POLE2: variants seen among roughly 807,000 people sequenced by gnomAD.
POLE2 encodes DNA polymerase epsilon subunit 2.
A neutral mutation model predicts 79.4 loss-of-function variants in POLE2; 56 were observed. That is an observed-to-expected ratio of 0.71 (90% CI 0.57 to 0.88). The LOEUF is 0.88. Among genes scored for constraint, POLE2 ranks in the 40% least tolerant of loss-of-function variants. POLE2 has a pLI of 0.00. For synonymous variants in POLE2, 212 were observed against 214.0 expected (o/e 0.99, Z 0.08); for missense variants, 598 against 638.9 (o/e 0.94, Z 0.69).
rs777318641 is a variant in POLE2 at position 49,654,178 on chromosome 14, A to G, written c.1110T>C (p.Pro370=). The stretch of plus-strand genomic sequence containing the variant: ...ACCTTGGTAAGATGGAACCAAATCC[A>G]GGATCCTCTGGACCAGGTACAAACA... ...RFVFVPGPED[P]GFGSILPRPP... is the part of the protein sequence containing the mutation. The change falls in exon 14 of 19, where the codon CCT becomes CCC. Residue 370 remains proline (P), a synonymous_variant. Coordinates refer to ENST00000216367, the MANE Select transcript of POLE2 (RefSeq NM_002692.4). 4.3e-6 allele frequency: 7 copies of G among 1,611,366 alleles called. No individual in the cohort carries two copies. Among genetic ancestry groups the G allele is most frequent in the Non-Finnish European group, 5.9e-6 (7 of 1,178,274 alleles).
rs774271236 is a variant in POLE2, at chr14:49,654,978, ACTT to A, written c.1018+24_1018+26del. 11 of 1,454,092 alleles carry A rather than the reference ACTT, an allele frequency of 7.6e-6. No individual in the cohort carries two copies. The African/African-American group carries it at 1.0e-4, about 13-fold the overall frequency. 90.1% of individuals were successfully genotyped at this position (1,454,092 alleles called of 1,614,324 possible). A position where few individuals can be genotyped will look rare whatever the true frequency, so the allele number is the denominator to read the frequency against. ...CTTTAGTTTATATGACTATAGAAAC[ACTT>A]CTTATTAAATAGATCGTTAATACCT... On this transcript the variant is annotated intron_variant, in intron 12 of 18. Coordinates refer to ENST00000216367, the MANE Select transcript of POLE2 (RefSeq NM_002692.4).
At position 49,663,338 on chromosome 14, in the gene POLE2, G is replaced by C. The variant is rs1486554657; in HGVS notation, c.732C>G (p.Pro244=). ...ACCTAGTAGTACTAGAGGGCTCAGT[G>C]GGTGGAAATCCAAAGGCATTGACAT... ...VFHVNAFGFP[P]TEPSSTTRAY... The change falls in exon 10 of 19, where the codon CCC becomes CCG. Residue 244 remains proline (P), a synonymous_variant. Transcript: ENST00000216367. 9 of 1,606,976 alleles carry C rather than the reference G, an allele frequency of 5.6e-6. No individual in the cohort carries two copies. In the South Asian group the frequency reaches 1.0e-4, roughly 18 times the overall value.
chr14:49,683,556 A>G (rs745735440), intron 2 of POLE2, 37 bp downstream of exon 2: 1 of 923,496 alleles, frequency 1.1e-6, no homozygotes, highest in Admixed American at 1.9e-5. Context: ...GCAGAACTAT[A>G]TTAACAATTT....
At position 49,643,594 on chromosome 14, in the gene POLE2, T is replaced by G; in HGVS notation, c.*58A>C. On this transcript the variant is annotated 3_prime_UTR_variant, in exon 19 of 19. Coordinates refer to ENST00000216367, the MANE Select transcript of POLE2 (RefSeq NM_002692.4). The stretch of plus-strand genomic sequence containing the variant: ...ATTTTATTGTAATATCAGAATCACA[T>G]AAGATATAGAGTTAAGCAGAAAACT... 1.1e-6 allele frequency: 1 copy of G among 879,258 alleles called. No homozygotes were observed. Among genetic ancestry groups the G allele is most frequent in the Non-Finnish European group, 1.8e-6 (1 of 547,848 alleles). The allele number at this position is 879,258 out of a possible 1,614,324, so 54.5% of individuals were successfully genotyped here. A position where few individuals can be genotyped will look rare whatever the true frequency, so the allele number is the denominator to read the frequency against.
intron 7 of POLE2, among the ~76,000 whole-genome samples, chr14:49,665,946 C>T (rs970152995): frequency 3.3e-5 from 5 of 152,168 alleles, no homozygotes; most frequent in African/African-American, 1.2e-4. Context: ...TCTGCCTCAG[C>T]CTCCTGAGTA....
intron 5 of POLE2, among the ~76,000 whole-genome samples, chr14:49,671,924 A>G (rs1885927768): frequency 6.6e-6 from 1 of 152,214 alleles, no homozygotes; most frequent in African/African-American, 2.4e-5. Flanking sequence ...ACTGCACTCT[A>G]GCCTAGGCGA....
chr14:49,652,471 G>A (rs1884342534), intron 15 of POLE2, among the ~76,000 whole-genome samples: 1 of 152,026 alleles, frequency 6.6e-6, no homozygotes, highest in South Asian at 2.1e-4. Flanking sequence ...ACAGCAGGAG[G>A]TGAGCAGCAG....
intron 17 of POLE2, among the ~76,000 whole-genome samples, chr14:49,648,309 G>C (rs1004360267): frequency 3.9e-5 from 6 of 152,210 alleles, no homozygotes; most frequent in African/African-American, 1.4e-4. Flanking sequence ...TCTAAGGCTA[G>C]TTTTGAGCTT....
At chr14:49,649,693 C>T (rs1884067363) in intron 17 of POLE2, among the ~76,000 whole-genome samples, 1 of 152,090 alleles carries the variant, frequency 6.6e-6, no homozygotes. Flanking sequence ...TCGTGATCCA[C>T]CCACCTCGGC....
intron 3 of POLE2, among the ~76,000 whole-genome samples, chr14:49,678,285 G>A (rs183883233): frequency 7.2e-5 from 11 of 151,932 alleles, no homozygotes; most frequent in Admixed American, 3.9e-4. Flanking sequence ...TTACGGGCAT[G>A]AGCCACTGCG....
intron 9 of POLE2, 98 bp from the exon 10 acceptor site, chr14:49,663,485 G>A (rs1885240071): frequency 2.9e-6 from 2 of 690,484 alleles, no homozygotes; most frequent in South Asian, 5.4e-5. Context: ...CTAGTCTCAT[G>A]CCCTGTGAAC....
At chr14:49,660,816 G>A (rs956393217) in intron 10 of POLE2, among the ~76,000 whole-genome samples, 6 of 152,160 alleles carry the variant, frequency 3.9e-5, no homozygotes, top group African/African-American at 1.4e-4. Flanking sequence ...ACTTGAAACC[G>A]GGAAGTAGAG....
intron 18 of POLE2, among the ~76,000 whole-genome samples, chr14:49,644,824 T>A (rs1017617739): frequency 6.6e-6 from 1 of 152,096 alleles, no homozygotes; most frequent in Non-Finnish European, 1.5e-5. Context: ...GTGGATCACC[T>A]GAGGTCAGGA....
chr14:49,685,491 C>T (rs1887060763), intron 1 of POLE2, among the ~76,000 whole-genome samples: 2 of 152,110 alleles, frequency 1.3e-5, no homozygotes. Context: ...AGAATCTTGC[C>T]CCTGCCAAAT....
intron 10 of POLE2, among the ~76,000 whole-genome samples, chr14:49,656,223 C>CGG (rs1884661429): frequency 1.3e-5 from 2 of 152,056 alleles, no homozygotes; most frequent in East Asian, 3.9e-4. Context: ...GGCGACGTGG[C>CGG]GGGCGCCTGT....
At chr14:49,660,443 T>C (rs186099970) in intron 10 of POLE2, among the ~76,000 whole-genome samples, 74 of 152,288 alleles carry the variant, frequency 4.9e-4, no homozygotes, top group African/African-American at 1.7e-3. Flanking sequence ...TCCTTTTGTG[T>C]GCCTTCATAT....
At chr14:49,677,245 G>A in intron 3 of POLE2, 1 of 710,618 alleles carries the variant, frequency 1.4e-6, no homozygotes, top group Non-Finnish European at 2.5e-6. Flanking sequence ...GAGGGAGTAG[G>A]GTGCTAAGCA....
chr14:49,671,305 G>A (rs1285857245), intron 5 of POLE2, among the ~76,000 whole-genome samples: 3 of 152,138 alleles, frequency 2.0e-5, no homozygotes, highest in Non-Finnish European at 4.4e-5. Context: ...GCAGGGCCAA[G>A]TCCAGTCAGT....
At chr14:49,659,133 G>C (rs1296837896) in intron 10 of POLE2, among the ~76,000 whole-genome samples, 2 of 152,106 alleles carry the variant, frequency 1.3e-5, no homozygotes, top group South Asian at 2.1e-4. Flanking sequence ...ATGGAAAAAA[G>C]TGGCTGGGCA....
Sources: gnomAD v4.1 joint callset for allele counts (sites outside exome capture counted in the v4.1 genomes callset) on GRCh38, gnomAD v4.1.1 for gene constraint, MANE v1.5 for transcripts, NCBI Gene and HGNC (gene_info 2026-07-23, HGNC 2026-07-21) for gene names.